RUFY4: variants seen among roughly 807,000 people sequenced by gnomAD.
RUFY4 encodes the protein RUN and FYVE domain containing 4, also known as RUN and FYVE domain-containing protein 4.
Under a neutral mutation model 69.0 loss-of-function variants are expected in RUFY4, and 73 were observed. That is an observed-to-expected ratio of 1.06 (90% CI 0.88 to 1.29). RUFY4 has a LOEUF of 1.29. Among genes scored for constraint, RUFY4 ranks in the 50% most tolerant of loss-of-function variants. The pLI is 0.00. For missense variants in RUFY4, 770 were observed against 705.6 expected (o/e 1.09, Z -1.03); for synonymous variants, 287 against 271.8 (o/e 1.06, Z -0.55).
Position 218,085,428 on chromosome 2 carries a change from A to G in RUFY4, c.1502+2172A>G, listed in dbSNP as rs146651606. The stretch of plus-strand genomic sequence containing the variant: ...CGGGATGGTGGACTGCCCACATCTT[A>G]TCTATTCTCCATCCTGAAATTTCTC... On this transcript the variant is annotated intron_variant, in intron 9 of 10. Coordinates refer to ENST00000344321, the Ensembl canonical transcript of RUFY4. 7.2e-4 allele frequency among the ~76,000 whole-genome samples: 110 copies of G among 152,340 alleles called. 2 individuals are homozygous for G. The East Asian group carries it at 0.015, about 21-fold the overall frequency.
In RUFY4 at chr2:218,072,773, C is replaced by T; in HGVS notation, c.280-6C>T. 1 of 1,517,978 alleles carries T rather than the reference C, an allele frequency of 6.6e-7. No individual in the cohort carries two copies. Among genetic ancestry groups the T allele is most frequent in the Non-Finnish European group, 8.8e-7 (1 of 1,137,384 alleles). The allele number at this position is 1,517,978 out of a possible 1,614,324, so 94.0% of individuals were successfully genotyped here. A position where few individuals can be genotyped will look rare whatever the true frequency, so the allele number is the denominator to read the frequency against. ...GCTCCCCATTCTGCCCCTGTGCACTCTGCAGTTGAAGACCCCTCTGGGGAA... is the reference window on the plus strand; with the variant it reads ...GCTCCCCATTCTGCCCCTGTGCACTTTGCAGTTGAAGACCCCTCTGGGGAA... On this transcript the variant is annotated splice_region_variant and splice_polypyrimidine_tract_variant and intron_variant, in intron 3 of 10. Coordinates refer to ENST00000344321, the Ensembl canonical transcript of RUFY4.
chr2:218,047,223 G>A (rs1357972763), intron 2 of RUFY4, among the ~76,000 whole-genome samples: 1 of 152,042 alleles, frequency 6.6e-6, no homozygotes, highest in Non-Finnish European at 1.5e-5. Context: ...CACATTCACA[G>A]GGAGACCAAT....
chr2:218,061,956 G>A (rs1400455765), intron 3 of RUFY4, among the ~76,000 whole-genome samples: 5 of 152,212 alleles, frequency 3.3e-5, no homozygotes, highest in Admixed American at 6.5e-5. Flanking sequence ...TGAAAGAAAT[G>A]TTCTGGAAAA....
In RUFY4 at chr2:218,073,255, ACC is replaced by A; in HGVS notation, c.402_403del (p.Arg135GlufsTer74). ...ACTGTTAACACAGGGAATGGTATGG[ACC>A]CCGGAGCCCTCTGCTCTGCCCAGAA... On this transcript the variant is annotated frameshift_variant, in exon 5 of 11. Transcript: ENST00000344321. LOFTEE classifies it high-confidence loss of function. 1 of 1,551,446 alleles carries A rather than the reference ACC, an allele frequency of 6.4e-7. No individual in the cohort carries two copies. The highest frequency in any genetic ancestry group is 1.4e-5 in the African/African-American group (1 of 73,062).
At chr2:218,072,670 C>G in intron 3 of RUFY4, 109 bp from the exon 6 acceptor site, 1 of 1,280,188 alleles carries the variant, frequency 7.8e-7, no homozygotes, top group Non-Finnish European at 1.1e-6. Context: ...GGCCTCAGGT[C>G]CCCCTGCACC....
At chr2:218,074,090 A>C in intron 6 of RUFY4, 1 of 619,124 alleles carries the variant, frequency 1.6e-6, no homozygotes, top group East Asian at 2.7e-5. Flanking sequence ...TGGCGGGGAC[A>C]CTGGGAGAGA....
exon 7 of RUFY4, chr2:218,075,357 G>C: frequency 2.5e-6 from 4 of 1,612,630 alleles, no homozygotes; most frequent in Non-Finnish European, 3.4e-6. Flanking sequence ...GATCTTCCTG[G>C]GGAACTCAAC....
chr2:218,062,518 C>A (rs1259109207), intron 3 of RUFY4, among the ~76,000 whole-genome samples: 1 of 152,088 alleles, frequency 6.6e-6, no homozygotes, highest in Non-Finnish European at 1.5e-5. Context: ...CGTGACCAGC[C>A]TGGGCAACAC....
intron 10 of RUFY4, 76 bp from the exon 13 acceptor site, chr2:218,089,876 T>C (rs2106080226): frequency 1.0e-6 from 1 of 971,892 alleles, no homozygotes. Flanking sequence ...ATGCTGGAAC[T>C]CCATGACCTC....
At chr2:218,058,833 A>C (rs987541876) in intron 3 of RUFY4, among the ~76,000 whole-genome samples, 3 of 151,918 alleles carry the variant, frequency 2.0e-5, no homozygotes, top group African/African-American at 7.3e-5. Flanking sequence ...TGGTGAACTT[A>C]CTCAACCCTT....
chr2:218,089,437 G>A (rs1311671637), intron 10 of RUFY4, 75 bp downstream of exon 12: 2 of 1,231,386 alleles, frequency 1.6e-6, no homozygotes, highest in East Asian at 4.9e-5. Context: ...ACCCACCCCA[G>A]GGAAGGGAGG....
At chr2:218,038,670 A>G (rs1465607801) in intron 2 of RUFY4, among the ~76,000 whole-genome samples, 2 of 152,206 alleles carry the variant, frequency 1.3e-5, no homozygotes, top group Non-Finnish European at 2.9e-5. Context: ...GCTTAAAAAC[A>G]TAGCGGGTGA....
intron 6 of RUFY4, among the ~76,000 whole-genome samples, chr2:218,074,109 T>C (rs553647246): frequency 6.6e-6 from 1 of 152,146 alleles, no homozygotes; most frequent in Non-Finnish European, 1.5e-5. Flanking sequence ...GAAAGGGAAC[T>C]CTAGCACCCT....
At chr2:218,037,722 T>A (rs1027740265) in intron 2 of RUFY4, among the ~76,000 whole-genome samples, 1 of 152,246 alleles carries the variant, frequency 6.6e-6, no homozygotes, top group Non-Finnish European at 1.5e-5. Context: ...AATGCCCTAG[T>A]AATATACCCA....
chr2:218,039,921 G>A (rs1959037401), intron 2 of RUFY4, among the ~76,000 whole-genome samples: 2 of 152,186 alleles, frequency 1.3e-5, no homozygotes, highest in South Asian at 4.2e-4. Flanking sequence ...AAGATTGTGT[G>A]CCTGTTGTCC....
chr2:218,075,786 C>T (rs1689617949), intron 7 of RUFY4, 46 bp downstream of exon 9: 1 of 1,368,244 alleles, frequency 7.3e-7, no homozygotes. Context: ...CCCTGTCTGA[C>T]CTGGCCCACA....
chr2:218,055,883 C>T (rs1306805488), intron 2 of RUFY4, among the ~76,000 whole-genome samples: 3 of 152,268 alleles, frequency 2.0e-5, no homozygotes, highest in East Asian at 1.9e-4. Context: ...TATGGTAATA[C>T]GACTCCTACC....
intron 2 of RUFY4, among the ~76,000 whole-genome samples, chr2:218,053,054 G>A (rs1315123088): frequency 2.0e-5 from 3 of 151,976 alleles, no homozygotes; most frequent in Non-Finnish European, 4.4e-5. Context: ...TAAACTCCTG[G>A]GCTCAAGGAA....
At chr2:218,055,664 A>AG (rs1689045055) in intron 2 of RUFY4, among the ~76,000 whole-genome samples, 1 of 152,230 alleles carries the variant, frequency 6.6e-6, no homozygotes, top group Non-Finnish European at 1.5e-5. Flanking sequence ...ATTACTAAGC[A>AG]GGAAATTACT....
Sources: gnomAD v4.1 joint callset for allele counts (sites outside exome capture counted in the v4.1 genomes callset) on GRCh38, gnomAD v4.1.1 for gene constraint, MANE v1.5 for transcripts, NCBI Gene and HGNC (gene_info 2026-07-23, HGNC 2026-07-21) for gene names.